PCDH11X: variants seen among roughly 807,000 people sequenced by gnomAD.
The protein encoded by PCDH11X is protocadherin 11 X-linked.
A neutral mutation model predicts 53.3 loss-of-function variants in PCDH11X; 18 were observed. The observed-to-expected ratio is 0.34, with a 90% confidence interval of 0.23 to 0.50. The LOEUF is 0.50. Ranked by LOEUF, PCDH11X falls within the 20% of genes least tolerant of loss-of-function variation. PCDH11X has a pLI of 0.98. For synonymous variants in PCDH11X, 279 were observed against 393.3 expected (o/e 0.71, Z 3.44); for missense variants, 570 against 1,032.4 (o/e 0.55, Z 6.14).
chrX:92,212,730 G>A (rs1445580193), intron 7 of PCDH11X, among the ~76,000 whole-genome samples: 1 of 112,274 alleles, frequency 8.9e-6, no homozygotes, highest in Non-Finnish European at 1.9e-5. Context: ...TTTCCAAGGT[G>A]CACATACCAT....
chrX:92,442,076 CT>C (rs1268385205), intron 9 of PCDH11X, among the ~76,000 whole-genome samples: 2 of 111,270 alleles, frequency 1.8e-5, no homozygotes, highest in Non-Finnish European at 3.8e-5. Context: ...CCTGTAGCCT[CT>C]TTGTTTTGGC....
At chrX:91,820,994 G>A (rs771439794) in intron 4 of PCDH11X, among the ~76,000 whole-genome samples, 2,425 of 107,884 alleles carry the variant, frequency 0.022, 42 homozygotes, top group Middle Eastern at 0.057. Context: ...GATATGCGGC[G>A]TTATTTCTGA....
At chrX:91,839,936 A>G (rs1459728239) in intron 5 of PCDH11X, among the ~76,000 whole-genome samples, 1 of 112,088 alleles carries the variant, frequency 8.9e-6, no homozygotes, top group Non-Finnish European at 1.9e-5. Flanking sequence ...ACATCGTACT[A>G]CACATTGCAG....
intron 10 of PCDH11X, among the ~76,000 whole-genome samples, chrX:92,498,786 C>G (rs1182007141): frequency 9.3e-6 from 1 of 107,540 alleles, no homozygotes; most frequent in African/African-American, 3.4e-5. Flanking sequence ...AAATACAACT[C>G]CACAATAATA....
At chrX:91,813,638 T>C in intron 4 of PCDH11X, among the ~76,000 whole-genome samples, 1 of 106,614 alleles carries the variant, frequency 9.4e-6, no homozygotes, top group East Asian at 2.8e-4. Flanking sequence ...CATAGTTTTT[T>C]TGCTTTCAGT....
chrX:91,831,120 T>C (rs751851226), intron 4 of PCDH11X, among the ~76,000 whole-genome samples: 4 of 111,844 alleles, frequency 3.6e-5, no homozygotes, highest in African/African-American at 9.7e-5. Flanking sequence ...TTTTGCTTTA[T>C]ACATCTTTAA....
intron 6 of PCDH11X, among the ~76,000 whole-genome samples, chrX:92,032,107 A>G (rs903246637): frequency 8.9e-6 from 1 of 111,879 alleles, no homozygotes; most frequent in African/African-American, 3.2e-5. Context: ...TCATTCTTCC[A>G]ATTCATTAAC....
intron 1 of PCDH11X, among the ~76,000 whole-genome samples, chrX:91,797,856 G>A (rs2905836): frequency 1.8e-5 from 2 of 111,297 alleles, no homozygotes; most frequent in South Asian, 3.8e-4. Flanking sequence ...GAAGTCAGTC[G>A]AAATTTAAAA....
intron 4 of PCDH11X, among the ~76,000 whole-genome samples, chrX:91,823,775 G>A (rs775069521): frequency 4.5e-4 from 50 of 111,463 alleles, no homozygotes; most frequent in African/African-American, 1.6e-3. Context: ...AGTCTCGATA[G>A]TCTTTACATT....
intron 8 of PCDH11X, among the ~76,000 whole-genome samples, chrX:92,381,885 T>C (rs1307377906): frequency 3.6e-5 from 4 of 111,106 alleles, no homozygotes; most frequent in Non-Finnish European, 7.6e-5. Context: ...TTGACTAATA[T>C]TCTTAAAAAT....
chrX:92,599,682 G>A (rs6619082), intron 10 of PCDH11X, among the ~76,000 whole-genome samples: 28,090 of 110,596 alleles, frequency 0.25, 2,987 homozygotes, highest in African/African-American at 0.37. Context: ...GGATTAGGGC[G>A]CTGTTATTAT....
At position 92,113,377 on chromosome X, in the gene PCDH11X, C is replaced by T. The variant is rs561702035; in HGVS notation, c.3034-87998C>T. The T allele has an allele frequency of 2.9e-5, 35 of 1,198,214 alleles. 1 individual carries two copies. In the Middle Eastern group the frequency reaches 9.7e-4, roughly 33 times the overall value. Reference sequence around the variant, plus strand: ...ATCTTTACGGCCAAACTGTCCACCTCGACTGATTCTGTGGATATAGTTTTC... The same window carrying T: ...ATCTTTACGGCCAAACTGTCCACCTTGACTGATTCTGTGGATATAGTTTTC... On this transcript the variant is annotated intron_variant, in intron 6 of 10. Transcript: ENST00000682573.
intron 9 of PCDH11X, among the ~76,000 whole-genome samples, chrX:92,441,397 G>A (rs2072512579): frequency 9.0e-6 from 1 of 111,526 alleles, no homozygotes; most frequent in Admixed American, 9.5e-5. Flanking sequence ...CACAAGCCTG[G>A]AGGCCTATGA....
At chrX:92,348,568 C>T (rs2069964569) in intron 8 of PCDH11X, among the ~76,000 whole-genome samples, 1 of 107,381 alleles carries the variant, frequency 9.3e-6, no homozygotes, top group South Asian at 4.1e-4. Context: ...CGGAGTTTCG[C>T]TCTTGTTGCC....
chrX:92,488,763 A>T (rs973505106), intron 10 of PCDH11X, among the ~76,000 whole-genome samples: 3 of 90,544 alleles, frequency 3.3e-5, no homozygotes, highest in African/African-American at 1.2e-4. Context: ...GGAGAGGCAT[A>T]TACCATGCAA....
chrX:92,173,608 A>C (rs1362233238), intron 6 of PCDH11X, among the ~76,000 whole-genome samples: 1 of 110,762 alleles, frequency 9.0e-6, no homozygotes, highest in Non-Finnish European at 1.9e-5. Flanking sequence ...TTTCCTACTC[A>C]ATGAGCATAT....
chrX:92,368,686 G>C (rs1205829356), intron 8 of PCDH11X, among the ~76,000 whole-genome samples: 1 of 111,014 alleles, frequency 9.0e-6, no homozygotes, highest in African/African-American at 3.3e-5. Context: ...CTTTTGCGTG[G>C]GGGTCCTTTA....
chrX:92,150,019 G>A (rs2065405706), intron 6 of PCDH11X, among the ~76,000 whole-genome samples: 1 of 111,675 alleles, frequency 9.0e-6, no homozygotes, highest in African/African-American at 3.3e-5. Context: ...CATTTGTGTT[G>A]TTTCCTTTTT....
chrX:91,905,826 A>T (rs1602468233), intron 6 of PCDH11X, among the ~76,000 whole-genome samples: 1 of 110,934 alleles, frequency 9.0e-6, no homozygotes, highest in South Asian at 3.8e-4. Flanking sequence ...GCCTTTTTCT[A>T]AGTGTTTAAC....
Sources: allele counts gnomAD v4.1 joint callset (sites outside exome capture counted in the v4.1 genomes callset), GRCh38; gene constraint gnomAD v4.1.1; transcripts MANE v1.5; gene names NCBI Gene and HGNC (gene_info 2026-07-23, HGNC 2026-07-21).